Variants in NTMT1 observed in about 807,000 individuals in gnomAD.
The protein encoded by NTMT1 is N-terminal Xaa-Pro-Lys N-methyltransferase 1.
NTMT1 carries 8 observed loss-of-function variants against 17.5 expected under a neutral mutation model. The ratio of observed to expected loss-of-function variants is 0.46; its 90% CI spans 0.27 to 0.82. The LOEUF is 0.82. Ranked by LOEUF, NTMT1 falls within the 40% of genes least tolerant of loss-of-function variation. The pLI is 0.15. For synonymous variants in NTMT1, 128 were observed against 126.8 expected (o/e 1.01, Z -0.06); for missense variants, 221 against 303.5 (o/e 0.73, Z 2.02).
chr9:129,633,093 T>C, intron 2 of NTMT1: 1 of 529,106 alleles, frequency 1.9e-6, no homozygotes, highest in South Asian at 2.9e-5. Context: ...TTAGGCAGAA[T>C]TGAGGTGCCT....
At chr9:129,616,403 AC>A (rs1456576269) in intron 1 of NTMT1, among the ~76,000 whole-genome samples, 1 of 152,096 alleles carries the variant, frequency 6.6e-6, no homozygotes, top group Admixed American at 6.5e-5. Context: ...TTTAGTAGAA[AC>A]GGGGTTTCAC....
intron 1 of NTMT1, among the ~76,000 whole-genome samples, chr9:129,617,290 A>G (rs1375764018): frequency 6.6e-6 from 1 of 152,214 alleles, no homozygotes; most frequent in Non-Finnish European, 1.5e-5. Context: ...GTGTCAGGAC[A>G]GTGCCTGGCT....
rs1267575880 is a variant in NTMT1, at chr9:129,620,794, C to T, written c.-55+11616C>T. On this transcript the variant is annotated intron_variant, in intron 1 of 3. Coordinates refer to the NTMT1 transcript ENST00000372486. This position sits in a 1 kb window ranked among gnomAD's most constrained non-coding sequence, Gnocchi z 5.8. Reference sequence around the variant, plus strand: ...TGAAAAATGGTGACAGCAAGAGTAGCCAACTTTGGGGGTTGCTGTGACGTT... The same window carrying T: ...TGAAAAATGGTGACAGCAAGAGTAGTCAACTTTGGGGGTTGCTGTGACGTT... The T allele has an allele frequency of 5.0e-6, 2 of 403,674 alleles. No individual in the cohort carries two copies. Among genetic ancestry groups the T allele is most frequent in the Non-Finnish European group, 8.6e-6 (2 of 233,414 alleles). The allele number at this position is 403,674 out of a possible 1,614,324, so 25.0% of individuals were successfully genotyped here. A position where few individuals can be genotyped will look rare whatever the true frequency, so the allele number is the denominator to read the frequency against.
At chr9:129,611,434 C>G (rs778502897) in intron 1 of NTMT1, among the ~76,000 whole-genome samples, 1 of 152,226 alleles carries the variant, frequency 6.6e-6, no homozygotes, top group Non-Finnish European at 1.5e-5. Context: ...ACATCCACCC[C>G]CTCATCCCCA....
chr9:129,612,220 A>G (rs1830128576), intron 1 of NTMT1: 1 of 722,104 alleles, frequency 1.4e-6, no homozygotes, highest in Non-Finnish European at 2.3e-6. Flanking sequence ...GGTACCCAGA[A>G]AGGCTTGTGG....
intron 1 of NTMT1, among the ~76,000 whole-genome samples, chr9:129,617,061 G>A (rs1290903968): frequency 2.1e-5 from 3 of 146,222 alleles, no homozygotes; most frequent in African/African-American, 2.7e-5. Context: ...GTGAGACTTC[G>A]TCTCAAAAAA....
rs1830669103 is a variant in NTMT1, at chr9:129,620,827, G to GC, written c.-55+11650dup. 2.7e-6 allele frequency: 1 copy of GC among 375,274 alleles called. No homozygotes were observed. Among genetic ancestry groups the GC allele is most frequent in the South Asian group, 1.4e-4 (1 of 6,934 alleles). 23.2% of individuals were successfully genotyped at this position (375,274 alleles called of 1,614,324 possible). On this transcript the variant is annotated intron_variant, in intron 1 of 3. Coordinates refer to the NTMT1 transcript ENST00000372486. This position sits in a 1 kb window ranked among gnomAD's most constrained non-coding sequence, Gnocchi z 5.8. ...GGGGGTTGCTGTGACGTTTAAATGA[G>GC]CAAGTACATGCCAGTCTTAGAACAG... is the stretch of plus-strand genomic sequence containing the variant.
chr9:129,618,949 C>T (rs928300179), intron 1 of NTMT1, among the ~76,000 whole-genome samples: 29 of 150,556 alleles, frequency 1.9e-4, no homozygotes, highest in African/African-American at 6.4e-4. Context: ...CTCCTAACCT[C>T]GTGATCCGCC....
intron 1 of NTMT1, chr9:129,615,371 C>T: frequency 8.7e-7 from 1 of 1,154,918 alleles, no homozygotes; most frequent in Non-Finnish European, 1.2e-6. Flanking sequence ...GATCACTGAT[C>T]TCTTGGCCTT....
intron 2 of NTMT1, 118 bp from the exon 3 acceptor site, chr9:129,633,936 C>T (rs1328902395): frequency 1.6e-6 from 2 of 1,214,586 alleles, no homozygotes; most frequent in Non-Finnish European, 2.3e-6. Context: ...CCCACCAGTG[C>T]TCAGCTTGTG....
Position 129,635,458 on chromosome 9 carries a change from G to A in NTMT1, c.666G>A (p.Leu222=). 9 of 1,607,820 alleles carry A rather than the reference G, an allele frequency of 5.6e-6. No individual in the cohort carries two copies. The highest frequency in any genetic ancestry group is 7.7e-6 in the Non-Finnish European group (9 of 1,175,672). Residue 222 remains leucine (L), a synonymous_variant, in exon 4 of 4, where the codon CTG becomes CTA. Transcript: ENST00000372483. ...DEIYHVYSFA[L]R is the part of the protein sequence containing the mutation. Reference sequence around the variant, plus strand: ...TCTACCATGTCTATAGCTTTGCCCTGAGATGAGCCGGGGCTGGCAGGAGAA... The same window carrying A: ...TCTACCATGTCTATAGCTTTGCCCTAAGATGAGCCGGGGCTGGCAGGAGAA...
chr9:129,613,321 C>A lies in NTMT1; in HGVS notation c.-55+4143C>A. 1.3e-6 allele frequency: 2 copies of A among 1,565,296 alleles called. No individual in the cohort carries two copies. Among genetic ancestry groups the A allele is most frequent in the East Asian group, 2.3e-5 (1 of 44,294 alleles). ...CGGCCCACCCATGGCTGGCAGGGCC[C>A]TTGAGGACCCACACTGGCAACCCGC... On this transcript the variant is annotated intron_variant, in intron 1 of 3. Transcript: ENST00000372486. This position sits in a 1 kb window ranked among gnomAD's most constrained non-coding sequence, Gnocchi z 6.2.
chr9:129,614,699 T>TC lies in NTMT1; in HGVS notation c.-55+5522dup, dbSNP rs1830264753. Among the ~76,000 whole-genome samples the TC allele has an allele frequency of 1.3e-5, 2 of 151,854 alleles. No homozygotes were observed. Among genetic ancestry groups the TC allele is most frequent in the Non-Finnish European group, 2.9e-5 (2 of 67,960 alleles). The stretch of plus-strand genomic sequence containing the variant: ...CAGGTGGATCCCTGAGGTCAGGAGT[T>TC]CGAGACCACCCTGGTCAACATGGAG... On this transcript the variant is annotated intron_variant, in intron 1 of 3. Transcript: ENST00000372486. The surrounding 1 kb of genome is among the most constrained non-coding windows in gnomAD (Gnocchi z 4.4).
chr9:129,632,798 G>C lies in NTMT1; in HGVS notation c.95G>C (p.Gly32Ala). ...CCACCCACGGTGGACGGCATGCTTG[G>C]GGGGTATGGCCACATCTCCAGCATC... is the stretch of plus-strand genomic sequence containing the variant. ...QIPPTVDGML[G>A]GYGHISSIDI... Residue 32 changes from glycine (G) to alanine (A), a missense_variant, in exon 2 of 4, where the codon GGG (glycine) becomes GCG (alanine). Gly to Ala is a moderately conservative substitution (Grantham distance 60, BLOSUM62 0). Transcript: ENST00000372483. 1.2e-6 allele frequency: 2 copies of C among 1,614,156 alleles called. No individual in the cohort carries two copies. The highest frequency in any genetic ancestry group is 8.5e-7 in the Non-Finnish European group (1 of 1,180,018).
intron 1 of NTMT1, among the ~76,000 whole-genome samples, chr9:129,627,045 A>G (rs1330435018): frequency 1.3e-5 from 2 of 152,232 alleles, no homozygotes; most frequent in African/African-American, 4.8e-5. Flanking sequence ...CAGGGCTGGT[A>G]TAAGGAGCCT....
chr9:129,629,793 G>A (rs1177935998), intron 1 of NTMT1, among the ~76,000 whole-genome samples: 1 of 152,238 alleles, frequency 6.6e-6, no homozygotes, highest in Non-Finnish European at 1.5e-5. Flanking sequence ...CAGTCTGCGA[G>A]CGGATTCAAG....
chr9:129,615,490 G>T (rs117566704), intron 1 of NTMT1: 4 of 1,595,020 alleles, frequency 2.5e-6, no homozygotes, highest in Non-Finnish European at 3.4e-6. Flanking sequence ...TTACCTGAGC[G>T]TCTGCGCTCC....
Position 129,635,505 on chromosome 9 carries a change from T to G in NTMT1, c.*41T>G. On this transcript the variant is annotated 3_prime_UTR_variant, in exon 4 of 4. Coordinates refer to ENST00000372483, the MANE Select transcript of NTMT1 (RefSeq NM_014064.4). ...AGAAACTGAGGAACCACAGTCCTGG[T>G]GGGGGGAGCTGGCAGCTGGGCAAGA... 5.7e-6 allele frequency: 9 copies of G among 1,577,042 alleles called. No individual in the cohort carries two copies. The highest frequency in any genetic ancestry group is 7.8e-6 in the Non-Finnish European group (9 of 1,160,118).
intron 1 of NTMT1, chr9:129,615,768 A>G (rs945503760): frequency 9.0e-7 from 1 of 1,111,352 alleles, no homozygotes; most frequent in African/African-American, 1.6e-5. Flanking sequence ...TGAAGAATGG[A>G]TAACGCCAAT....
Sources: allele counts gnomAD v4.1 joint callset (sites outside exome capture counted in the v4.1 genomes callset), GRCh38; gene constraint gnomAD v4.1.1; non-coding constraint Gnocchi (gnomAD v3.1); transcripts MANE v1.5; gene names NCBI Gene and HGNC (gene_info 2026-07-23, HGNC 2026-07-21).